STAT4: variants seen among roughly 807,000 people sequenced by gnomAD.
STAT4 encodes the protein signal transducer and activator of transcription 4.
A neutral mutation model predicts 110.5 loss-of-function variants in STAT4; 42 were observed. The observed-to-expected ratio is 0.38, with a 90% CI of 0.30 to 0.49. STAT4 has a LOEUF of 0.49. Among genes scored for constraint, STAT4 ranks in the 20% least tolerant of loss-of-function variants. STAT4 has a pLI of 0.95. For synonymous variants in STAT4, 284 were observed against 302.2 expected (o/e 0.94, Z 0.63); for missense variants, 632 against 887.9 (o/e 0.71, Z 3.66).
At position 191,062,738 on chromosome 2, in the gene STAT4, T is replaced by C. The variant is rs777312873; in HGVS notation, c.941+24A>G. 2.5e-6 allele frequency: 4 copies of C among 1,612,654 alleles called. No homozygotes were observed. The highest frequency in any genetic ancestry group is 3.4e-6 in the Non-Finnish European group (4 of 1,179,224). ...TGTTCTTACTTCACAGAATGGAGGATGCCATTGATAGCACTTCACTTACTT... is the reference window on the plus strand; with the variant it reads ...TGTTCTTACTTCACAGAATGGAGGACGCCATTGATAGCACTTCACTTACTT... On this transcript the variant is annotated intron_variant, in intron 9 of 23. Coordinates refer to ENST00000392320, the MANE Select transcript of STAT4 (RefSeq NM_003151.4). The surrounding 1 kb of genome is among the most constrained non-coding windows in gnomAD (Gnocchi z 4.9).
intron 16 of STAT4, among the ~76,000 whole-genome samples, chr2:191,038,956 C>A (rs1026331818): frequency 6.6e-6 from 1 of 152,112 alleles, no homozygotes; most frequent in African/African-American, 2.4e-5. Flanking sequence ...GGCAGCTGAC[C>A]AGACCCTCAG....
Position 191,035,262 on chromosome 2 carries a change from A to C in STAT4, c.1571-665T>G, listed in dbSNP as rs943173888. On this transcript the variant is annotated intron_variant, in intron 17 of 23. Coordinates refer to ENST00000392320, the MANE Select transcript of STAT4 (RefSeq NM_003151.4). The surrounding 1 kb of genome is among the most constrained non-coding windows in gnomAD (Gnocchi z 4.7). ...CTCTAACAAATGTTTATTGAATGCT[A>C]TTGCTGCTTATGAATTAAATAAGGA... Among the ~76,000 whole-genome samples the C allele has an allele frequency of 2.0e-5, 3 of 152,246 alleles. No individual in the cohort carries two copies. The East Asian group carries it at 5.8e-4, about 29-fold the overall frequency.
chr2:191,103,630 A>T (rs1040609411), intron 3 of STAT4, among the ~76,000 whole-genome samples: 17 of 152,144 alleles, frequency 1.1e-4, no homozygotes, highest in African/African-American at 2.9e-4. Context: ...TTTAATTTTT[A>T]AAAAATGGTA....
At chr2:191,087,388 A>T in intron 3 of STAT4, among the ~76,000 whole-genome samples, 1 of 152,138 alleles carries the variant, frequency 6.6e-6, no homozygotes, top group Non-Finnish European at 1.5e-5. Context: ...TATTTCTTTG[A>T]TGTGTTTTAA....
intron 5 of STAT4, among the ~76,000 whole-genome samples, chr2:191,072,894 A>G (rs546222241): frequency 6.6e-6 from 1 of 152,350 alleles, no homozygotes; most frequent in East Asian, 1.9e-4. Context: ...GAATAGCCCC[A>G]TATCAAAGAA....
Position 191,033,176 on chromosome 2 carries a change from T to A in STAT4, c.1853-27A>T. ...TTGAAAAACAGAAATTGGAGAAATA[T>A]ACAGGTTCCTGTACACATTCCTTGT... On this transcript the variant is annotated intron_variant, in intron 20 of 23. Coordinates refer to ENST00000392320, the MANE Select transcript of STAT4 (RefSeq NM_003151.4). This position sits in a 1 kb window ranked among gnomAD's most constrained non-coding sequence, Gnocchi z 6.9. 6.2e-7 allele frequency: 1 copy of A among 1,606,682 alleles called. No homozygotes were observed. The highest frequency in any genetic ancestry group is 8.5e-7 in the Non-Finnish European group (1 of 1,175,428).
chr2:191,120,993 A>C (rs1403080199), intron 3 of STAT4, among the ~76,000 whole-genome samples: 1 of 152,118 alleles, frequency 6.6e-6, no homozygotes, highest in African/African-American at 2.4e-5. Context: ...CAACCTACAG[A>C]GTGGGAGAAA....
chr2:191,088,731 T>C (rs1435440604), intron 3 of STAT4, among the ~76,000 whole-genome samples: 1 of 152,176 alleles, frequency 6.6e-6, no homozygotes, highest in Non-Finnish European at 1.5e-5. Context: ...AATGGACAGA[T>C]AGATCAATGG....
chr2:191,129,446 C>T (rs374601201), intron 3 of STAT4, among the ~76,000 whole-genome samples: 1 of 152,046 alleles, frequency 6.6e-6, no homozygotes. Flanking sequence ...GAAAAGGTCT[C>T]TTTTAAAAAG....
Position 191,142,883 on chromosome 2 carries a change from T to C in STAT4, c.273+3730A>G, listed in dbSNP as rs1486710818. Reference sequence around the variant, plus strand: ...TCAGGGGCCATGAAACTCTCTAGTATGATATTGTAATGGTAGATATATGAC... The same window carrying C: ...TCAGGGGCCATGAAACTCTCTAGTACGATATTGTAATGGTAGATATATGAC... On this transcript the variant is annotated intron_variant, in intron 3 of 23. Coordinates refer to ENST00000392320, the MANE Select transcript of STAT4 (RefSeq NM_003151.4). This position sits in a 1 kb window ranked among gnomAD's most constrained non-coding sequence, Gnocchi z 4.1. Among the ~76,000 whole-genome samples the C allele has an allele frequency of 6.6e-6, 1 of 152,132 alleles. No homozygotes were observed. Among genetic ancestry groups the C allele is most frequent in the Non-Finnish European group, 1.5e-5 (1 of 68,022 alleles).
intron 13 of STAT4, 106 bp from the exon 14 acceptor site, chr2:191,054,640 T>C (rs1696625183): frequency 1.1e-6 from 1 of 907,462 alleles, no homozygotes; most frequent in South Asian, 1.6e-5. Flanking sequence ...TTTTGACTTC[T>C]AGAACAGCAA....
intron 5 of STAT4, among the ~76,000 whole-genome samples, chr2:191,071,567 G>A (rs1344379249): frequency 6.6e-6 from 1 of 152,114 alleles, no homozygotes; most frequent in Non-Finnish European, 1.5e-5. Context: ...TCAATGCTAT[G>A]GTAAGTAATT....
chr2:191,147,302 C>A lies in STAT4; in HGVS notation c.129-545G>T, dbSNP rs902204357. Among the ~76,000 whole-genome samples the A allele has an allele frequency of 2.0e-5, 3 of 152,054 alleles. No individual in the cohort carries two copies. The highest frequency in any genetic ancestry group is 4.4e-5 in the Non-Finnish European group (3 of 67,996). ...TAAAACAAAATGTGATATATACAAA[C>A]AATGGAATATTATTGAGCTTCAAAA... On this transcript the variant is annotated intron_variant, in intron 2 of 23. Coordinates refer to ENST00000392320, the MANE Select transcript of STAT4 (RefSeq NM_003151.4). This position sits in a 1 kb window ranked among gnomAD's most constrained non-coding sequence, Gnocchi z 4.1.
In STAT4 at chr2:191,062,717, C is replaced by T. The variant is rs1229281821; in HGVS notation, c.941+45G>A. 4 of 1,608,360 alleles carry T rather than the reference C, an allele frequency of 2.5e-6. No individual in the cohort carries two copies. Among genetic ancestry groups the T allele is most frequent in the Non-Finnish European group, 2.5e-6 (3 of 1,176,822 alleles). Reference sequence around the variant, plus strand: ...ACACCAAAACCTTAGGAAGGGTGTTCTTACTTCACAGAATGGAGGATGCCA... The same window carrying T: ...ACACCAAAACCTTAGGAAGGGTGTTTTTACTTCACAGAATGGAGGATGCCA... On this transcript the variant is annotated intron_variant, in intron 9 of 23. Coordinates refer to ENST00000392320, the MANE Select transcript of STAT4 (RefSeq NM_003151.4). This position sits in a 1 kb window ranked among gnomAD's most constrained non-coding sequence, Gnocchi z 4.9.
At chr2:191,065,785 G>A (rs182361956) in intron 7 of STAT4, among the ~76,000 whole-genome samples, 53 of 152,128 alleles carry the variant, frequency 3.5e-4, no homozygotes, top group African/African-American at 1.1e-3. Context: ...AAATTGAGCC[G>A]AACTTTTAGA....
chr2:191,145,524 G>C (rs1206778303), intron 3 of STAT4, among the ~76,000 whole-genome samples: 1 of 152,122 alleles, frequency 6.6e-6, no homozygotes, highest in Non-Finnish European at 1.5e-5. Flanking sequence ...ATTGCTGTAT[G>C]CTGCCAAAAA....
chr2:191,141,734 G>T lies in STAT4; in HGVS notation c.273+4879C>A, dbSNP rs544542998. The stretch of plus-strand genomic sequence containing the variant: ...CAGCCTCCATCTCCCGGGTTCAAGG[G>T]ATTCTCCTGCCTCAGCCTCCTGAGT... On this transcript the variant is annotated intron_variant, in intron 3 of 23. Coordinates refer to ENST00000392320, the MANE Select transcript of STAT4 (RefSeq NM_003151.4). Among the ~76,000 whole-genome samples, 325 of 151,804 alleles carry T rather than the reference G, an allele frequency of 2.1e-3. 1 individual carries two copies. Among genetic ancestry groups the T allele is most frequent in the African/African-American group, 7.4e-3 (307 of 41,410 alleles).
Position 191,039,097 on chromosome 2 carries a change from C to A in STAT4, c.1434+102G>T. 9.9e-7 allele frequency: 1 copy of A among 1,011,882 alleles called. No individual in the cohort carries two copies. The highest frequency in any genetic ancestry group is 2.4e-5 in the East Asian group (1 of 41,688). 62.7% of individuals were successfully genotyped at this position (1,011,882 alleles called of 1,614,324 possible). Reference sequence around the variant, plus strand: ...ATACTACAAATAAAGCAACTCTCACCCCACACCCCACTGGCACACACATGT... The same window carrying A: ...ATACTACAAATAAAGCAACTCTCACACCACACCCCACTGGCACACACATGT... On this transcript the variant is annotated intron_variant, in intron 16 of 23. Transcript: ENST00000392320. The surrounding 1 kb of genome is among the most constrained non-coding windows in gnomAD (Gnocchi z 4.7).
intron 13 of STAT4, among the ~76,000 whole-genome samples, chr2:191,057,198 T>C (rs1338764148): frequency 6.6e-6 from 1 of 152,244 alleles, no homozygotes; most frequent in Non-Finnish European, 1.5e-5. Context: ...CTCTGGTAAC[T>C]ACCATTCGAC....
Sources: gnomAD v4.1 joint callset for allele counts (sites outside exome capture counted in the v4.1 genomes callset) on GRCh38, gnomAD v4.1.1 for gene constraint, Gnocchi (gnomAD v3.1) non-coding constraint, MANE v1.5 for transcripts, NCBI Gene and HGNC (gene_info 2026-07-23, HGNC 2026-07-21) for gene names.